Variants in NDUFA12 observed in about 807,000 individuals in gnomAD.
NDUFA12 encodes the protein NADH:ubiquinone oxidoreductase subunit A12, also known as NADH dehydrogenase [ubiquinone] 1 alpha subcomplex subunit 12.
In NDUFA12, 17 loss-of-function variants were observed where a neutral mutation model predicts 20.3. The ratio of observed to expected loss-of-function variants is 0.84; its 90% confidence interval spans 0.57 to 1.26. The LOEUF is 1.26. Ranked by LOEUF, NDUFA12 falls within the 50% of genes most tolerant of loss-of-function variation. The pLI is 0.00. For missense variants in NDUFA12, 191 were observed against 183.7 expected (o/e 1.04, Z -0.23); for synonymous variants, 72 against 63.6 (o/e 1.13, Z -0.63).
At chr12:94,987,888 C>A (rs575536194) in intron 3 of NDUFA12, among the ~76,000 whole-genome samples, 6 of 150,520 alleles carry the variant, frequency 4.0e-5, no homozygotes, top group African/African-American at 1.5e-4. Context: ...AAAATTCCCA[C>A]ATCAAAGATA....
intron 3 of NDUFA12, among the ~76,000 whole-genome samples, chr12:94,974,915 A>G (rs1222864379): frequency 2.0e-5 from 3 of 151,100 alleles, no homozygotes; most frequent in East Asian, 3.9e-4. Flanking sequence ...AAAAAAAAAT[A>G]GTCAGAAAGA....
intron 3 of NDUFA12, among the ~76,000 whole-genome samples, chr12:94,985,089 A>T (rs1284023692): frequency 6.6e-6 from 1 of 151,464 alleles, no homozygotes; most frequent in African/African-American, 2.4e-5. Flanking sequence ...TTGATAGGCC[A>T]AGGTGGGAGG....
chr12:94,984,458 G>A (rs1565815201), intron 3 of NDUFA12, among the ~76,000 whole-genome samples: 3 of 151,810 alleles, frequency 2.0e-5, no homozygotes, highest in Non-Finnish European at 4.4e-5. Flanking sequence ...TGAACCCAGA[G>A]GCGGAGGTTG....
At chr12:94,994,118 T>C in intron 3 of NDUFA12, 52 bp downstream of exon 3, 3 of 1,519,258 alleles carry the variant, frequency 2.0e-6, no homozygotes, top group Admixed American at 3.4e-5. Context: ...AGTGAGACCC[T>C]GTCTCAAAAA....
At chr12:94,989,211 A>G (rs1291862330) in intron 3 of NDUFA12, among the ~76,000 whole-genome samples, 1 of 152,108 alleles carries the variant, frequency 6.6e-6, no homozygotes, top group Non-Finnish European at 1.5e-5. Flanking sequence ...CCAGCTTCAT[A>G]TTATCTTCCT....
chr12:94,990,935 C>T (rs1874620549), intron 3 of NDUFA12, among the ~76,000 whole-genome samples: 1 of 152,156 alleles, frequency 6.6e-6, no homozygotes, highest in Admixed American at 6.5e-5. Flanking sequence ...GAGTAGCCTA[C>T]TTATCTTAAA....
chr12:94,994,418 A>G, intron 2 of NDUFA12, 161 bp from the exon 3 acceptor site: 1 of 600,670 alleles, frequency 1.7e-6, no homozygotes, highest in East Asian at 3.0e-5. Flanking sequence ...CGTGAAGGTA[A>G]GCTCCAGGAG....
intron 3 of NDUFA12, among the ~76,000 whole-genome samples, chr12:94,979,320 A>G (rs1421001204): frequency 1.3e-5 from 2 of 152,198 alleles, no homozygotes; most frequent in African/African-American, 2.4e-5. Flanking sequence ...ATAAAATATT[A>G]ACAGTATTGC....
intron 3 of NDUFA12, among the ~76,000 whole-genome samples, chr12:94,975,069 T>G (rs544266797): frequency 9.2e-5 from 14 of 152,318 alleles, no homozygotes; most frequent in Non-Finnish European, 1.6e-4. Flanking sequence ...GGTACCCCAT[T>G]TTCCATGATG....
intron 3 of NDUFA12, among the ~76,000 whole-genome samples, chr12:94,985,140 T>C (rs1874382282): frequency 1.3e-5 from 2 of 151,106 alleles, no homozygotes; most frequent in Non-Finnish European, 2.9e-5. Flanking sequence ...CTGGGTAACA[T>C]AGGGAGACTG....
intron 2 of NDUFA12, among the ~76,000 whole-genome samples, chr12:95,002,437 CAAAAAAAAAAAAA>C (rs71075895): frequency 3.1e-5 from 2 of 63,624 alleles, no homozygotes; most frequent in African/African-American, 6.9e-5. Flanking sequence ...GACTCCATCT[CAAAAAAAAAAAAA>C]AAAAAAAAAA....
At chr12:94,981,328 G>A (rs1265244324) in intron 3 of NDUFA12, among the ~76,000 whole-genome samples, 51 of 152,018 alleles carry the variant, frequency 3.4e-4, no homozygotes, top group Non-Finnish European at 1.5e-5. Flanking sequence ...CGTGCCTGTA[G>A]CCCCAGCTAC....
intron 3 of NDUFA12, among the ~76,000 whole-genome samples, chr12:94,978,457 G>C (rs976963269): frequency 6.6e-6 from 1 of 152,148 alleles, no homozygotes; most frequent in Non-Finnish European, 1.5e-5. Flanking sequence ...TGAAGTTTTG[G>C]GCTTGAGTAA....
At chr12:94,991,050 G>A (rs1874624076) in intron 3 of NDUFA12, among the ~76,000 whole-genome samples, 1 of 152,082 alleles carries the variant, frequency 6.6e-6, no homozygotes, top group Non-Finnish European at 1.5e-5. Context: ...TTGGGAGGCA[G>A]AGGTTGGCGA....
chr12:94,987,948 T>C (rs572723711), intron 3 of NDUFA12, among the ~76,000 whole-genome samples: 7 of 152,126 alleles, frequency 4.6e-5, no homozygotes, highest in South Asian at 2.1e-4. Context: ...GGACAGGAAA[T>C]TGAGGTCAAG....
Position 94,971,394 on chromosome 12 carries a change from A to G in NDUFA12, c.*46T>C. 6.4e-7 allele frequency: 1 copy of G among 1,568,512 alleles called. No homozygotes were observed. The highest frequency in any genetic ancestry group is 8.8e-7 in the Non-Finnish European group (1 of 1,138,760). ...TGGTAAACAGTAAAAGAGTAATTACATGAAAAGCTCCATATTTTGCATGTT... is the reference window on the plus strand; with the variant it reads ...TGGTAAACAGTAAAAGAGTAATTACGTGAAAAGCTCCATATTTTGCATGTT... On this transcript the variant is annotated 3_prime_UTR_variant, in exon 4 of 4. Coordinates refer to ENST00000327772, the MANE Select transcript of NDUFA12 (RefSeq NM_018838.5).
chr12:94,988,445 A>G (rs1874526644), intron 3 of NDUFA12, among the ~76,000 whole-genome samples: 1 of 152,218 alleles, frequency 6.6e-6, no homozygotes, highest in African/African-American at 2.4e-5. Context: ...CAAATGTTAA[A>G]AAACTGTAAA....
chr12:94,973,910 A>G (rs1254007142), intron 3 of NDUFA12, among the ~76,000 whole-genome samples: 1 of 151,764 alleles, frequency 6.6e-6, no homozygotes, highest in Non-Finnish European at 1.5e-5. Context: ...GTAAAAAAAA[A>G]TCATATCTTT....
chr12:94,993,806 C>T (rs529450619), intron 3 of NDUFA12, among the ~76,000 whole-genome samples: 19 of 146,894 alleles, frequency 1.3e-4, no homozygotes, highest in Admixed American at 5.5e-4. Flanking sequence ...TGGTGGCTCA[C>T]ACCTGTAGTC....
Sources: allele counts gnomAD v4.1 joint callset (sites outside exome capture counted in the v4.1 genomes callset), GRCh38; gene constraint gnomAD v4.1.1; transcripts MANE v1.5; gene names NCBI Gene and HGNC (gene_info 2026-07-23, HGNC 2026-07-21).